RPS6KA5: variants seen among roughly 807,000 people sequenced by gnomAD.
RPS6KA5 encodes ribosomal protein S6 kinase A5, also known as ribosomal protein S6 kinase alpha-5.
A neutral mutation model predicts 85.5 loss-of-function variants in RPS6KA5; 27 were observed. The observed-to-expected ratio is 0.32, with a 90% confidence interval of 0.23 to 0.44. The LOEUF is 0.44. Ranked by LOEUF, RPS6KA5 falls within the 20% of genes least tolerant of loss-of-function variation. The probability of loss-of-function intolerance (pLI) is 1.00; values close to 1 mark genes in which losing one functional copy is unlikely to be tolerated. For synonymous variants in RPS6KA5, 334 were observed against 348.2 expected (o/e 0.96, Z 0.46); for missense variants, 811 against 980.9 (o/e 0.83, Z 2.31).
At chr14:90,946,088 G>A (rs2037854647) in intron 4 of RPS6KA5, among the ~76,000 whole-genome samples, 1 of 152,010 alleles carries the variant, frequency 6.6e-6, no homozygotes, top group Admixed American at 6.6e-5. Flanking sequence ...AATTTCAAAG[G>A]TCTTTCTTTG....
intron 1 of RPS6KA5, among the ~76,000 whole-genome samples, chr14:91,022,403 G>C (rs988528317): frequency 2.0e-5 from 3 of 152,130 alleles, no homozygotes; most frequent in African/African-American, 7.2e-5. Context: ...ATGAAAGCCT[G>C]GTCTGCTACC....
chr14:91,059,850 G>C (rs1024586582), intron 1 of RPS6KA5, among the ~76,000 whole-genome samples: 1 of 152,374 alleles, frequency 6.6e-6, no homozygotes, highest in East Asian at 1.9e-4. Context: ...ATCTCCTACA[G>C]GACCCCAGCA....
intron 2 of RPS6KA5, 37 bp from the exon 3 acceptor site, chr14:90,978,561 G>T: frequency 6.9e-7 from 1 of 1,457,028 alleles, no homozygotes; most frequent in African/African-American, 1.4e-5. Context: ...GAATTAAAAT[G>T]CTACACAGGC....
chr14:90,965,896 G>C (rs2140436344), intron 3 of RPS6KA5, among the ~76,000 whole-genome samples: 1 of 152,238 alleles, frequency 6.6e-6, no homozygotes, highest in South Asian at 2.1e-4. Context: ...GCTCAGAGGG[G>C]ATTTAAAAAA....
chr14:90,925,208 A>G (rs1234783307), intron 5 of RPS6KA5, among the ~76,000 whole-genome samples: 9 of 152,188 alleles, frequency 5.9e-5, no homozygotes, highest in Admixed American at 5.9e-4. Context: ...TGGAAAGGTG[A>G]GTTGTTACAG....
Position 90,863,707 on chromosome 14 carries a change from A to G in RPS6KA5, c.*8367T>C, listed in dbSNP as rs894331795. ...AGATATAAATCTAACCTCTACATGT[A>G]AATCTATAAAACACTGGTGAGACAA... On this transcript the variant is annotated 3_prime_UTR_variant, in exon 17 of 17. Coordinates refer to ENST00000614987, the MANE Select transcript of RPS6KA5 (RefSeq NM_004755.4). 1.3e-5 allele frequency: 2 copies of G among 152,224 alleles called. No individual in the cohort carries two copies. The highest frequency in any genetic ancestry group is 3.8e-4 in the East Asian group (2 of 5,206). The allele number at this position is 152,224 out of a possible 1,614,324, so 9.4% of individuals were successfully genotyped here. A position where few individuals can be genotyped will look rare whatever the true frequency, so the allele number is the denominator to read the frequency against.
Position 90,928,667 on chromosome 14 carries a change from ACT to A in RPS6KA5, c.619-5473_619-5472del, listed in dbSNP as rs925189885. On this transcript the variant is annotated intron_variant, in intron 5 of 16. Transcript: ENST00000614987. ...TGTTAACATTCAAGAAGAAATAAAA[ACT>A]CTAAATATACTTGTAAATATTTTAA... Among the ~76,000 whole-genome samples the A allele has an allele frequency of 1.3e-5, 2 of 151,482 alleles. 1 individual carries two copies. Among genetic ancestry groups the A allele is most frequent in the Admixed American group, 1.3e-4 (2 of 15,220 alleles).
intron 1 of RPS6KA5, among the ~76,000 whole-genome samples, chr14:91,014,356 G>T (rs1054068950): frequency 1.8e-4 from 27 of 151,846 alleles, no homozygotes; most frequent in Non-Finnish European, 7.4e-5. Context: ...ACAAAAATTA[G>T]CTGGGCATGG....
chr14:90,891,011 C>T (rs1200129291), intron 13 of RPS6KA5, among the ~76,000 whole-genome samples: 3 of 152,040 alleles, frequency 2.0e-5, no homozygotes, highest in Admixed American at 1.3e-4. Context: ...TTTAGAGATA[C>T]TATCCTAACT....
At chr14:90,929,111 T>C (rs8004978) in intron 5 of RPS6KA5, among the ~76,000 whole-genome samples, 25,050 of 151,974 alleles carry the variant, frequency 0.16, 2,471 homozygotes, top group East Asian at 0.32. Context: ...AATTTACTTA[T>C]AACAATAAAG....
intron 14 of RPS6KA5, among the ~76,000 whole-genome samples, chr14:90,887,579 T>C (rs1022834306): frequency 2.0e-5 from 3 of 152,076 alleles, no homozygotes; most frequent in African/African-American, 7.2e-5. Flanking sequence ...ATCTAATCAA[T>C]ATTCAAATTT....
chr14:90,926,700 T>C (rs2036692375), intron 5 of RPS6KA5, among the ~76,000 whole-genome samples: 1 of 150,630 alleles, frequency 6.6e-6, no homozygotes, highest in African/African-American at 2.4e-5. Flanking sequence ...TGTGTGTACA[T>C]ATCTCACAGG....
chr14:91,053,101 A>T (rs1321778643), intron 1 of RPS6KA5, among the ~76,000 whole-genome samples: 2 of 152,234 alleles, frequency 1.3e-5, no homozygotes, highest in East Asian at 3.8e-4. Flanking sequence ...TATGAACAGA[A>T]CAAAAAAAAT....
At chr14:91,048,408 C>A (rs2042952494) in intron 1 of RPS6KA5, among the ~76,000 whole-genome samples, 1 of 152,092 alleles carries the variant, frequency 6.6e-6, no homozygotes, top group Non-Finnish European at 1.5e-5. Flanking sequence ...AATAAAATAA[C>A]TGCAATACCC....
rs35740021 is a variant in RPS6KA5, at chr14:91,000,594, C to T, written c.175+494G>A. Among the ~76,000 whole-genome samples, 648 of 152,154 alleles carry T rather than the reference C, an allele frequency of 4.3e-3. 4 individuals carry two copies. Among genetic ancestry groups the T allele is most frequent in the African/African-American group, 0.014 (597 of 41,506 alleles). On this transcript the variant is annotated intron_variant, in intron 2 of 16. Transcript: ENST00000614987. The stretch of plus-strand genomic sequence containing the variant: ...GGCGGATTACTTGAGGTCAGGAGTT[C>T]GAGACCAACCTGGCCTCGAACAACA...
intron 1 of RPS6KA5, among the ~76,000 whole-genome samples, chr14:91,006,575 C>T (rs2041027995): frequency 6.6e-6 from 1 of 152,150 alleles, no homozygotes. Flanking sequence ...GAAGTGGGCC[C>T]TCACCAGACA....
intron 2 of RPS6KA5, among the ~76,000 whole-genome samples, chr14:90,997,580 T>C (rs1167789796): frequency 6.6e-6 from 1 of 152,148 alleles, no homozygotes; most frequent in African/African-American, 2.4e-5. Flanking sequence ...GGAGTCTCAC[T>C]ATTTTGCCCA....
chr14:90,884,710 T>C (rs2034073032), intron 14 of RPS6KA5, among the ~76,000 whole-genome samples: 1 of 152,232 alleles, frequency 6.6e-6, no homozygotes, highest in South Asian at 2.1e-4. Context: ...CTCTTTAAAA[T>C]ATCCTTCTAT....
chr14:91,025,869 G>A (rs916216625), intron 1 of RPS6KA5, among the ~76,000 whole-genome samples: 1 of 152,000 alleles, frequency 6.6e-6, no homozygotes, highest in Non-Finnish European at 1.5e-5. Flanking sequence ...AGATTCAGGG[G>A]GTACCTGTGT....
Sources: gnomAD v4.1 joint callset for allele counts (sites outside exome capture counted in the v4.1 genomes callset) on GRCh38, gnomAD v4.1.1 for gene constraint, MANE v1.5 for transcripts, NCBI Gene and HGNC (gene_info 2026-07-23, HGNC 2026-07-21) for gene names.